CNKSR3: variants seen among roughly 807,000 people sequenced by gnomAD.
CNKSR3 encodes the protein connector enhancer of kinase suppressor of ras 3.
Under a neutral mutation model 67.7 loss-of-function variants are expected in CNKSR3, and 36 were observed. The ratio of observed to expected loss-of-function variants is 0.53; its 90% CI spans 0.41 to 0.70. The LOEUF (loss-of-function observed/expected upper bound fraction) is 0.70. CNKSR3 is among the 30% of genes least tolerant of loss of function. The probability of loss-of-function intolerance (pLI) is 0.00; values close to 1 mark genes in which losing one functional copy is unlikely to be tolerated. For missense variants in CNKSR3, 630 were observed against 695.2 expected (o/e 0.91, Z 1.05); for synonymous variants, 281 against 271.4 (o/e 1.04, Z -0.35).
intron 1 of CNKSR3, among the ~76,000 whole-genome samples, chr6:154,451,486 C>T (rs1415386192): frequency 1.4e-5 from 1 of 73,628 alleles, no homozygotes; most frequent in Admixed American, 1.6e-4. Flanking sequence ...CACACACACA[C>T]GCACACACGC....
intron 6 of CNKSR3, among the ~76,000 whole-genome samples, chr6:154,429,451 G>T (rs527626096): frequency 2.5e-4 from 38 of 152,138 alleles, no homozygotes; most frequent in Admixed American, 7.2e-4. Flanking sequence ...CATCTGAAAT[G>T]ACAACTCCAT....
chr6:154,503,348 G>A (rs1010517181), intron 1 of CNKSR3, among the ~76,000 whole-genome samples: 7 of 152,162 alleles, frequency 4.6e-5, no homozygotes, highest in African/African-American at 1.7e-4. Flanking sequence ...GGTTGGTCCT[G>A]AGCATGGTGG....
rs146307807 is a variant in CNKSR3, at chr6:154,406,465, G to T, written c.1557C>A (p.Phe519Leu). 59 of 1,614,062 alleles carry T rather than the reference G, an allele frequency of 3.7e-5. No homozygotes were observed. The African/African-American group carries it at 7.3e-4, about 20-fold the overall frequency. ...ATTTCTTTTTGGTCCCTTCCTCCTG[G>T]AATGGAATCGTGGCGCTGCTGTGGA... ...SDLHSSATIP[F>L]QEEGTKKKSG... Residue 519 changes from phenylalanine (F) to leucine (L), a missense_variant, in exon 13 of 13, where the codon TTC becomes TTA. By Grantham distance (22) the Phe-to-Leu change is conservative. Around this residue, in one of 3 missense-constraint regions of CNKSR3, gnomAD observed 308 missense variants for 299.6 expected, o/e 1.03. Transcript: ENST00000607772.
chr6:154,389,795 T>C lies in CNKSR3; in HGVS notation c.*16559A>G, dbSNP rs1371613674. 6.6e-6 allele frequency: 1 copy of C among 152,206 alleles called. No individual in the cohort carries two copies. The highest frequency in any genetic ancestry group is 2.4e-5 in the African/African-American group (1 of 41,454). 9.4% of individuals were successfully genotyped at this position (152,206 alleles called of 1,614,324 possible). ...AGGAAATTAGCGAAACAATCCCATA[T>C]ATAATAGCACCCAAAATAATAAAAT... On this transcript the variant is annotated 3_prime_UTR_variant, in exon 13 of 13. Transcript: ENST00000607772.
intron 4 of CNKSR3, among the ~76,000 whole-genome samples, chr6:154,441,031 C>T (rs921051055): frequency 6.6e-6 from 1 of 151,662 alleles, no homozygotes; most frequent in African/African-American, 2.4e-5. Context: ...AGGGGAAGTA[C>T]AGGAACTATT....
rs907211859 is a variant in CNKSR3 at position 154,391,612 on chromosome 6, T to G, written c.*14742A>C. The G allele has an allele frequency of 1.3e-5, 2 of 152,256 alleles. No homozygotes were observed. Among genetic ancestry groups the G allele is most frequent in the African/African-American group, 4.8e-5 (2 of 41,460 alleles). The allele number at this position is 152,256 out of a possible 1,614,324, so 9.4% of individuals were successfully genotyped here. ...GGGGTTAGGACTTCAATATGTGAAT[T>G]TGGAGAGAACGTAATTTAGTTCATG... On this transcript the variant is annotated 3_prime_UTR_variant, in exon 13 of 13. Transcript: ENST00000607772.
At chr6:154,448,920 T>C (rs1785765153) in intron 2 of CNKSR3, among the ~76,000 whole-genome samples, 1 of 152,244 alleles carries the variant, frequency 6.6e-6, no homozygotes, top group Non-Finnish European at 1.5e-5. Context: ...TTCAGGGCAT[T>C]ACTAACCCAG....
At chr6:154,478,298 T>A (rs570428649) in intron 1 of CNKSR3, 1 of 152,688 alleles carries the variant, frequency 6.5e-6, no homozygotes, top group East Asian at 1.9e-4. Context: ...TTGCATTTGC[T>A]CTTCTTCTGC....
At chr6:154,462,417 T>C (rs575218966) in intron 1 of CNKSR3, among the ~76,000 whole-genome samples, 3 of 152,316 alleles carry the variant, frequency 2.0e-5, no homozygotes, top group South Asian at 4.1e-4. Context: ...TCATACAGTA[T>C]GTGGTTTTGT....
At chr6:154,406,836 G>A (rs1247977910) in intron 12 of CNKSR3, among the ~76,000 whole-genome samples, 184 bp from the exon 13 acceptor site, 10 of 151,980 alleles carry the variant, frequency 6.6e-5, no homozygotes, top group African/African-American at 9.7e-5. Flanking sequence ...GCGTGGTGGC[G>A]GGCGCCTGTA....
chr6:154,422,421 C>A, intron 9 of CNKSR3, 85 bp downstream of exon 9: 1 of 1,340,682 alleles, frequency 7.5e-7, no homozygotes, highest in East Asian at 2.3e-5. Flanking sequence ...CAATCAATCA[C>A]CTTCAAATTT....
At position 154,402,204 on chromosome 6, in the gene CNKSR3, G is replaced by A. The variant is rs1380330043; in HGVS notation, c.*4150C>T. On this transcript the variant is annotated 3_prime_UTR_variant, in exon 13 of 13. Transcript: ENST00000607772. ...AGCATGTTAGGGGTGCCACTGATGG[G>A]CGGCCACTACTGAGATTTAACCTGT... The A allele has an allele frequency of 1.3e-5, 2 of 152,182 alleles. No individual in the cohort carries two copies. The highest frequency in any genetic ancestry group is 6.5e-5 in the Admixed American group (1 of 15,276). 9.4% of individuals were successfully genotyped at this position (152,182 alleles called of 1,614,324 possible).
intron 1 of CNKSR3, among the ~76,000 whole-genome samples, chr6:154,485,691 C>A (rs1157691540): frequency 6.6e-6 from 1 of 152,216 alleles, no homozygotes; most frequent in Non-Finnish European, 1.5e-5. Context: ...TTTCTCCTCG[C>A]TGCACAGGCA....
intron 1 of CNKSR3, among the ~76,000 whole-genome samples, chr6:154,506,759 T>C (rs1787112544): frequency 6.6e-6 from 1 of 152,270 alleles, no homozygotes; most frequent in Non-Finnish European, 1.5e-5. Flanking sequence ...TGCAAAGGCC[T>C]TTACTGAACT....
chr6:154,406,171 T>C lies in CNKSR3; in HGVS notation c.*183A>G. On this transcript the variant is annotated 3_prime_UTR_variant, in exon 13 of 13. Coordinates refer to ENST00000607772, the MANE Select transcript of CNKSR3 (RefSeq NM_173515.4). ...CTCCACAAGCCAGCACCTAAGATCC[T>C]CTGAATTTGTTCCCATCCAATCCTG... 1 of 613,380 alleles carries C rather than the reference T, an allele frequency of 1.6e-6. No homozygotes were observed. Among genetic ancestry groups the C allele is most frequent in the Non-Finnish European group, 2.8e-6 (1 of 352,198 alleles). 38.0% of individuals were successfully genotyped at this position (613,380 alleles called of 1,614,324 possible).
chr6:154,430,556 G>T lies in CNKSR3; in HGVS notation c.585C>A (p.Ile195=), dbSNP rs758037658. Residue 195 remains isoleucine (I), a synonymous_variant, in exon 6 of 13, where the codon ATC becomes ATA. Coordinates refer to ENST00000607772, the MANE Select transcript of CNKSR3 (RefSeq NM_173515.4). ...TCATCACAGGATCTGTGGTAGATCG[G>T]ATTGTTTTGTCACAGATGCCATTTA... is the stretch of plus-strand genomic sequence containing the variant. ...KVLNGICDKT[I]RSTTDPVMSQ... is the part of the protein sequence containing the mutation. The T allele has an allele frequency of 3.7e-6, 6 of 1,611,784 alleles. No individual in the cohort carries two copies. Among genetic ancestry groups the T allele is most frequent in the East Asian group, 2.2e-5 (1 of 44,660 alleles).
At position 154,397,744 on chromosome 6, in the gene CNKSR3, C is replaced by A. The variant is rs4576262; in HGVS notation, c.*8610G>T. ...GCAAATCTGCGGCCATCACTAGGTG[C>A]ACAGTGCAGTGGGGGTGTGTGAGAT... On this transcript the variant is annotated 3_prime_UTR_variant, in exon 13 of 13. Transcript: ENST00000607772. The A allele has an allele frequency of 0.22, 33,431 of 150,174 alleles. 4,224 individuals carry two copies. Among genetic ancestry groups the A allele is most frequent in the East Asian group, 0.36 (1,813 of 5,024 alleles). The allele number at this position is 150,174 out of a possible 1,614,324, so 9.3% of individuals were successfully genotyped here.
intron 9 of CNKSR3, chr6:154,414,654 G>C (rs967885331): frequency 5.0e-6 from 3 of 601,304 alleles, no homozygotes; most frequent in Non-Finnish European, 9.7e-6. Flanking sequence ...CAGAGGCTTA[G>C]GAGCCAGGTG....
chr6:154,474,393 A>T (rs1480855659), intron 1 of CNKSR3, among the ~76,000 whole-genome samples: 1 of 145,776 alleles, frequency 6.9e-6, no homozygotes, highest in Non-Finnish European at 1.5e-5. Context: ...AGCCCGGGTG[A>T]CAAAGCAAGA....
Sources: allele counts gnomAD v4.1 joint callset (sites outside exome capture counted in the v4.1 genomes callset), GRCh38; gene constraint gnomAD v4.1.1; regional missense constraint gnomAD v4.1.1; transcripts MANE v1.5; gene names NCBI Gene and HGNC (gene_info 2026-07-23, HGNC 2026-07-21).